The following TOP2B variants were observed in gnomAD, a reference collection of about 807,000 sequenced individuals.
TOP2B encodes the protein DNA topoisomerase 2-beta.
A neutral mutation model predicts 193.5 loss-of-function variants in TOP2B; 51 were observed. That is an observed-to-expected ratio of 0.26 (90% CI 0.21 to 0.33). The LOEUF is 0.33. TOP2B is among the 10% of genes least tolerant of loss of function. The pLI, the probability that TOP2B is intolerant of heterozygous loss-of-function variation, is 1.00. For missense variants in TOP2B, 1,378 were observed against 1,909.3 expected (o/e 0.72, Z 5.19); for synonymous variants, 634 against 635.7 (o/e 1.00, Z 0.04).
At chr3:25,614,637 T>C (rs1702459514) in intron 27 of TOP2B, among the ~76,000 whole-genome samples, 1 of 152,036 alleles carries the variant, frequency 6.6e-6, no homozygotes, top group South Asian at 2.1e-4. Flanking sequence ...AAAAAAGTAG[T>C]ATGAGTAATA....
Position 25,664,465 on chromosome 3 carries a change from C to T in TOP2B, c.-168G>A, listed in dbSNP as rs1410927867. ...ATCCGGAGCGGACGTCCAGCCGAGC[C>T]CGCTGAGGAGGCCGCGCCGCCGGCT... is the stretch of plus-strand genomic sequence containing the variant. On this transcript the variant is annotated 5_prime_UTR_variant, in exon 1 of 36. Transcript: ENST00000264331. 1 of 1,214,532 alleles carries T rather than the reference C, an allele frequency of 8.2e-7. No individual in the cohort carries two copies. Among genetic ancestry groups the T allele is most frequent in the African/African-American group, 1.6e-5 (1 of 63,032 alleles). 75.2% of individuals were successfully genotyped at this position (1,214,532 alleles called of 1,614,324 possible).
In TOP2B at chr3:25,664,635, CGGGCG is replaced by C; in HGVS notation, c.-343_-339del. The C allele has an allele frequency of 2.0e-6, 2 of 990,386 alleles. No individual in the cohort carries two copies. Among genetic ancestry groups the C allele is most frequent in the Non-Finnish European group, 2.4e-6 (2 of 833,688 alleles). The allele number at this position is 990,386 out of a possible 1,614,324, so 61.3% of individuals were successfully genotyped here. Reference sequence around the variant, plus strand: ...CGCCGCTGCAGGCCGGGCTGAAGCCCGGGCGTGCGAGCCGCGAGGGCGGCCGGGGA... The same window carrying C: ...CGCCGCTGCAGGCCGGGCTGAAGCCCTGCGAGCCGCGAGGGCGGCCGGGGA... On this transcript the variant is annotated 5_prime_UTR_variant, in exon 1 of 36. Coordinates refer to ENST00000264331, the MANE Select transcript of TOP2B (RefSeq NM_001330700.2).
intron 21 of TOP2B, among the ~76,000 whole-genome samples, chr3:25,622,638 G>C (rs1197582469): frequency 6.7e-6 from 1 of 150,336 alleles, no homozygotes; most frequent in Non-Finnish European, 1.5e-5. Context: ...AAAAAATGGG[G>C]ATTTTTTTTT....
chr3:25,631,556 C>G (rs920761308), intron 10 of TOP2B, among the ~76,000 whole-genome samples: 2 of 152,034 alleles, frequency 1.3e-5, no homozygotes, highest in Non-Finnish European at 1.5e-5. Context: ...GTTTTTTTAT[C>G]ATCCTCGGTG....
chr3:25,604,848 A>G lies in TOP2B; in HGVS notation c.4401T>C (p.Asn1467=). The change falls in exon 33 of 36, where the codon AAT becomes AAC. Residue 1467 remains asparagine (N), a synonymous_variant. Coordinates refer to ENST00000264331, the MANE Select transcript of TOP2B (RefSeq NM_001330700.2). ...SEDDSAKFDS[N]EEDSASVFSP... is the part of the protein sequence containing the mutation. ...AAAAAACAGAAGCAGAATCTTCTTCATTACTGTCAAATTTAGCTGAATCTA... is the reference window on the plus strand; with the variant it reads ...AAAAAACAGAAGCAGAATCTTCTTCGTTACTGTCAAATTTAGCTGAATCTA... 6.2e-7 allele frequency: 1 copy of G among 1,612,590 alleles called. No individual in the cohort carries two copies.
chr3:25,632,200 A>G (rs76652738), intron 10 of TOP2B, among the ~76,000 whole-genome samples: 3 of 152,192 alleles, frequency 2.0e-5, no homozygotes, highest in East Asian at 1.9e-4. Flanking sequence ...ACAATGGTCA[A>G]TACAAAGCTA....
intron 6 of TOP2B, among the ~76,000 whole-genome samples, chr3:25,636,815 C>G (rs1295754569): frequency 6.6e-6 from 1 of 151,808 alleles, no homozygotes; most frequent in Non-Finnish European, 1.5e-5. Flanking sequence ...ATTATTTTAG[C>G]TTATATAAAA....
intron 1 of TOP2B, among the ~76,000 whole-genome samples, chr3:25,645,784 G>A (rs908154450): frequency 6.6e-6 from 1 of 152,110 alleles, no homozygotes; most frequent in African/African-American, 2.4e-5. Context: ...TTTTGAGACA[G>A]AGTCTTGCTC....
chr3:25,625,190 T>C (rs183251192), intron 18 of TOP2B, among the ~76,000 whole-genome samples: 114 of 152,280 alleles, frequency 7.5e-4, no homozygotes, highest in Middle Eastern at 3.4e-3. Flanking sequence ...GCCTGAAATC[T>C]ATTCTAAGTA....
At chr3:25,644,976 AT>A (rs1703374538) in intron 2 of TOP2B, among the ~76,000 whole-genome samples, 1 of 144,540 alleles carries the variant, frequency 6.9e-6, no homozygotes, top group South Asian at 2.3e-4. Context: ...TTTTTTTTGT[AT>A]TTTTTTGTAT....
intron 32 of TOP2B, 29 bp downstream of exon 32, chr3:25,606,014 T>G (rs1559491516): frequency 7.8e-7 from 1 of 1,288,982 alleles, no homozygotes; most frequent in East Asian, 2.7e-5. Context: ...AATAATACAA[T>G]AACCAATGAA....
intron 1 of TOP2B, among the ~76,000 whole-genome samples, chr3:25,655,528 TG>T (rs1009067539): frequency 6.6e-6 from 1 of 152,226 alleles, no homozygotes; most frequent in Non-Finnish European, 1.5e-5. Flanking sequence ...ATCCCACTTT[TG>T]GGTATATATC....
At chr3:25,629,888 G>T (rs1702909527) in intron 13 of TOP2B, 141 bp downstream of exon 13, 5 of 850,390 alleles carry the variant, frequency 5.9e-6, no homozygotes, top group Non-Finnish European at 7.0e-6. Flanking sequence ...TCCACTAAAT[G>T]ACGTGGTTTT....
At chr3:25,627,861 G>C (rs1483690952) in intron 15 of TOP2B, among the ~76,000 whole-genome samples, 2 of 151,102 alleles carry the variant, frequency 1.3e-5, no homozygotes, top group Admixed American at 6.6e-5. Context: ...CTTAAGGCCG[G>C]GACTTCTAGA....
chr3:25,604,325 G>C (rs1190475264), intron 33 of TOP2B, among the ~76,000 whole-genome samples: 1 of 152,078 alleles, frequency 6.6e-6, no homozygotes, highest in African/African-American at 2.4e-5. Context: ...AAAGTGTTTT[G>C]TGGCCAATCT....
intron 18 of TOP2B, among the ~76,000 whole-genome samples, chr3:25,625,819 C>T (rs1187467248): frequency 1.1e-4 from 16 of 152,080 alleles, no homozygotes. Flanking sequence ...TAAAATATGG[C>T]AACTTCTTTA....
At chr3:25,651,459 AT>A (rs1467903574) in intron 1 of TOP2B, among the ~76,000 whole-genome samples, 4 of 151,788 alleles carry the variant, frequency 2.6e-5, no homozygotes, top group African/African-American at 4.8e-5. Context: ...AAAAAAAAAA[AT>A]CAATGAAACA....
intron 11 of TOP2B, 37 bp downstream of exon 11, chr3:25,630,764 C>T: frequency 6.8e-7 from 1 of 1,470,076 alleles, no homozygotes; most frequent in African/African-American, 1.5e-5. Context: ...AAAAGTGAAA[C>T]TTAAATCAAA....
At position 25,609,549 on chromosome 3, in the gene TOP2B, A is replaced by T. The variant is rs1332450886; in HGVS notation, c.3931+19T>A. ...TATTTTTTCTCTCACACACATGCAA[A>T]ACTATAATCATTTCTCACCAGGCTC... On this transcript the variant is annotated intron_variant, in intron 29 of 35. Transcript: ENST00000264331. 1.0e-5 allele frequency: 16 copies of T among 1,601,644 alleles called. No individual in the cohort carries two copies. Among genetic ancestry groups the T allele is most frequent in the Middle Eastern group, 1.6e-4 (1 of 6,062 alleles).
Sources: gnomAD v4.1 joint callset for allele counts (sites outside exome capture counted in the v4.1 genomes callset) on GRCh38, gnomAD v4.1.1 for gene constraint, MANE v1.5 for transcripts, NCBI Gene and HGNC (gene_info 2026-07-23, HGNC 2026-07-21) for gene names.